The following ENO4 variants were observed in gnomAD, a reference collection of about 807,000 sequenced individuals.
The protein encoded by ENO4 is 2-phospho-D-glycerate hydro-lyase.
A neutral mutation model predicts 63.2 loss-of-function variants in ENO4; 53 were observed. That is an observed-to-expected ratio of 0.84 (90% CI 0.67 to 1.05). ENO4 has a LOEUF of 1.05. Among genes scored for constraint, ENO4 ranks in the 50% least tolerant of loss-of-function variants. The pLI is 0.00. For missense variants in ENO4, 719 were observed against 772.0 expected (o/e 0.93, Z 0.81); for synonymous variants, 266 against 283.8 (o/e 0.94, Z 0.63).
At chr10:116,870,993 C>T in intron 8 of ENO4, 132 bp from the exon 9 acceptor site, 2 of 757,582 alleles carry the variant, frequency 2.6e-6, no homozygotes, top group Non-Finnish European at 4.2e-6. Context: ...TGAATCAATC[C>T]TAAGTAGGAT....
chr10:116,873,888 G>T (rs545390578), intron 9 of ENO4, 188 bp from the exon 10 acceptor site: 7 of 984,566 alleles, frequency 7.1e-6, no homozygotes, highest in Non-Finnish European at 8.4e-6. Context: ...ATGGTGACTT[G>T]ATTTCCCAGG....
At chr10:116,901,919 T>C (rs1242065406) in intron 10 of ENO4, 2 of 1,606,052 alleles carry the variant, frequency 1.2e-6, no homozygotes, top group Admixed American at 1.7e-5. Flanking sequence ...AACACTGGCA[T>C]GGATTTGGAC....
chr10:116,872,416 T>C (rs1339440693), intron 9 of ENO4, among the ~76,000 whole-genome samples: 1 of 152,150 alleles, frequency 6.6e-6, no homozygotes, highest in African/African-American at 2.4e-5. Flanking sequence ...TGAATCATGG[T>C]GGCGGGTCTT....
intron 10 of ENO4, chr10:116,901,650 G>A: frequency 7.4e-7 from 1 of 1,357,216 alleles, no homozygotes. Context: ...AAGAAGAAGA[G>A]AATTTACCGG....
chr10:116,908,922 G>C (rs988468739), intron 10 of ENO4, among the ~76,000 whole-genome samples: 8 of 152,124 alleles, frequency 5.3e-5, no homozygotes, highest in Admixed American at 3.9e-4. Context: ...GCTAACATAT[G>C]AGTAAACTTT....
intron 10 of ENO4, among the ~76,000 whole-genome samples, chr10:116,893,224 G>C (rs1196252602): frequency 6.6e-6 from 1 of 152,062 alleles, no homozygotes; most frequent in Non-Finnish European, 1.5e-5. Context: ...TAACTCCTTG[G>C]CAGCGGGGGA....
Position 116,877,895 on chromosome 10 carries a change from T to C in ENO4, c.1538-1396T>C, listed in dbSNP as rs116427036. On this transcript the variant is annotated intron_variant, in intron 11 of 13. Coordinates refer to ENST00000341276, the MANE Select transcript of ENO4 (RefSeq NM_001242699.2). The stretch of plus-strand genomic sequence containing the variant: ...ATTAGGCAACTTTCCCATGACACTA[T>C]AGTCATCTCACTTGCCCACAACTCT... Among the ~76,000 whole-genome samples, 736 of 152,342 alleles carry C rather than the reference T, an allele frequency of 4.8e-3. 5 individuals carry two copies. The highest frequency in any genetic ancestry group is 0.014 in the African/African-American group (571 of 41,574).
chr10:116,857,155 C>A (rs1846287643), intron 3 of ENO4, among the ~76,000 whole-genome samples: 1 of 152,058 alleles, frequency 6.6e-6, no homozygotes, highest in Admixed American at 6.6e-5. Context: ...TCCTGAAAAC[C>A]ATGTAGTTAA....
chr10:116,881,448 A>T, intron 13 of ENO4, 67 bp from the exon 14 acceptor site: 1 of 1,266,954 alleles, frequency 7.9e-7, no homozygotes, highest in Non-Finnish European at 1.1e-6. Flanking sequence ...ATCTCCTTCA[A>T]CTTATGTAGT....
At chr10:116,861,031 A>C in intron 5 of ENO4, 28 bp from the exon 6 acceptor site, 5 of 1,542,446 alleles carry the variant, frequency 3.2e-6, no homozygotes, top group Non-Finnish European at 4.4e-6. Flanking sequence ...CCTGTTTCTC[A>C]TTTTCCCTCG....
intron 1 of ENO4, among the ~76,000 whole-genome samples, chr10:116,853,667 A>G (rs1176102317): frequency 6.6e-6 from 1 of 152,192 alleles, no homozygotes; most frequent in Non-Finnish European, 1.5e-5. Context: ...AACTCACTAT[A>G]ACACACAGAG....
chr10:116,856,516 A>G lies in ENO4; in HGVS notation c.319A>G (p.Thr107Ala). The change falls in exon 3 of 14, where the codon ACT (threonine) becomes GCT (alanine). Residue 107 changes from threonine (T) to alanine (A), a missense_variant. Physicochemically the swap from Thr to Ala is moderately conservative, Grantham distance 58 (BLOSUM62 0). Transcript: ENST00000341276. Reference sequence around the variant, plus strand: ...GAACGTATGTTCTGTGGTGATCTCGACTCATTTTGAAGTCCATGAGAATGC... The same window carrying G: ...GAACGTATGTTCTGTGGTGATCTCGGCTCATTTTGAAGTCCATGAGAATGC... ...PKNVCSVVIS[T>A]HFEVHENALP... 9 of 1,535,616 alleles carry G rather than the reference A, an allele frequency of 5.9e-6. No homozygotes were observed. Among genetic ancestry groups the G allele is most frequent in the Non-Finnish European group, 7.8e-6 (9 of 1,146,798 alleles).
chr10:116,879,732 TTACA>T (rs1376496371), intron 12 of ENO4, 133 bp from the exon 13 acceptor site: 6 of 690,980 alleles, frequency 8.7e-6, no homozygotes, highest in East Asian at 2.7e-5. Context: ...GCCACTGTGC[TTACA>T]TAAAGATAAA....
At chr10:116,898,717 CCTTT>C (rs553015569) in intron 10 of ENO4, among the ~76,000 whole-genome samples, 186 of 152,196 alleles carry the variant, frequency 1.2e-3, no homozygotes, top group East Asian at 4.1e-3. Context: ...ATTATCTTTT[CCTTT>C]CTTTTTCTTC....
rs148252211 is a variant in ENO4 at position 116,867,224 on chromosome 10, C to G, written c.991-1426C>G. ...TTACATCATGCCAGATTTATTTTGG[C>G]ATAACTCACTCTCCCTAGGAACTCC... is the stretch of plus-strand genomic sequence containing the variant. On this transcript the variant is annotated intron_variant, in intron 7 of 13. Transcript: ENST00000341276. 3.5e-3 allele frequency among the ~76,000 whole-genome samples: 539 copies of G among 152,216 alleles called. 5 individuals carry two copies. The highest frequency in any genetic ancestry group is 0.012 in the African/African-American group (512 of 41,524).
At chr10:116,865,728 A>C (rs1158215437) in intron 7 of ENO4, among the ~76,000 whole-genome samples, 1 of 152,228 alleles carries the variant, frequency 6.6e-6, no homozygotes, top group Non-Finnish European at 1.5e-5. Flanking sequence ...AGCAGGGATC[A>C]GAGCTGCTAC....
intron 10 of ENO4, chr10:116,900,519 A>G: frequency 6.6e-7 from 1 of 1,518,166 alleles, no homozygotes; most frequent in Non-Finnish European, 8.8e-7. Flanking sequence ...AAGGAGTTGC[A>G]GTATTTTCTG....
At chr10:116,876,843 C>T (rs1054266156) in intron 11 of ENO4, among the ~76,000 whole-genome samples, 6 of 151,796 alleles carry the variant, frequency 4.0e-5, no homozygotes, top group African/African-American at 1.2e-4. Flanking sequence ...CCCAGCTACT[C>T]GGGAGGCTGA....
chr10:116,899,506 G>GGTGTGT (rs370396879), intron 10 of ENO4, among the ~76,000 whole-genome samples: 1,522 of 124,550 alleles, frequency 0.012, 14 homozygotes, highest in African/African-American at 0.025. Flanking sequence ...GGCTGGGGCT[G>GGTGTGT]GTGTGTGTGT....
Sources: allele counts gnomAD v4.1 joint callset (sites outside exome capture counted in the v4.1 genomes callset), GRCh38; gene constraint gnomAD v4.1.1; transcripts MANE v1.5; gene names NCBI Gene and HGNC (gene_info 2026-07-23, HGNC 2026-07-21).